TTC8: variants seen among roughly 807,000 people sequenced by gnomAD.
TTC8 encodes the protein tetratricopeptide repeat domain 8, also known as tetratricopeptide repeat protein 8.
Under a neutral mutation model 72.5 loss-of-function variants are expected in TTC8, and 47 were observed. The observed-to-expected ratio is 0.65, with a 90% confidence interval of 0.51 to 0.83. TTC8 has a LOEUF of 0.83. Ranked by LOEUF, TTC8 falls within the 40% of genes least tolerant of loss-of-function variation. The pLI is 0.00. For synonymous variants in TTC8, 199 were observed against 221.4 expected (o/e 0.90, Z 0.90); for missense variants, 611 against 623.2 (o/e 0.98, Z 0.21).
chr14:88,871,517 A>G lies in TTC8; in HGVS notation c.1050-32A>G, dbSNP rs1340126421. On this transcript the variant is annotated intron_variant, in intron 11 of 14. Transcript: ENST00000380656. The surrounding 1 kb of genome is among the most constrained non-coding windows in gnomAD (Gnocchi z 4.1). ...TCTTAAAACTTACAAAGTTGGTCTGACACCAAAATTTGTGTGTTCTTTTTT... is the reference window on the plus strand; with the variant it reads ...TCTTAAAACTTACAAAGTTGGTCTGGCACCAAAATTTGTGTGTTCTTTTTT... 6.2e-7 allele frequency: 1 copy of G among 1,610,570 alleles called. No homozygotes were observed. The highest frequency in any genetic ancestry group is 8.5e-7 in the Non-Finnish European group (1 of 1,178,608).
Position 88,852,853 on chromosome 14 carries a change from C to T in TTC8, c.625-118C>T, listed in dbSNP as rs143682491. On this transcript the variant is annotated intron_variant, in intron 7 of 14. Coordinates refer to ENST00000380656, the MANE Select transcript of TTC8 (RefSeq NM_144596.4). Reference sequence around the variant, plus strand: ...AAACATGAGCAACTTGAGTTTCTGTCGGATTTCTAATGCACATTTTGATTG... The same window carrying T: ...AAACATGAGCAACTTGAGTTTCTGTTGGATTTCTAATGCACATTTTGATTG... 2.4e-4 allele frequency: 217 copies of T among 893,346 alleles called. 2 individuals are homozygous for T. In the African/African-American group the frequency reaches 2.7e-3, roughly 11 times the overall value. The allele number at this position is 893,346 out of a possible 1,614,324, so 55.3% of individuals were successfully genotyped here. A position where few individuals can be genotyped will look rare whatever the true frequency, so the allele number is the denominator to read the frequency against.
At chr14:88,868,021 TGAGA>T (rs1179787449) in intron 10 of TTC8, among the ~76,000 whole-genome samples, 1 of 152,306 alleles carries the variant, frequency 6.6e-6, no homozygotes, top group Non-Finnish European at 1.5e-5. Context: ...GAGAACCAAC[TGAGA>T]GAGAGATACA....
chr14:88,827,409 C>A (rs1472872794), intron 1 of TTC8, among the ~76,000 whole-genome samples: 3 of 152,076 alleles, frequency 2.0e-5, no homozygotes, highest in Admixed American at 2.0e-4. Flanking sequence ...ATTTGATATT[C>A]TTTTCCTTTC....
chr14:88,858,749 GGATAATTTTTTTT>G (rs2094869258), intron 9 of TTC8, among the ~76,000 whole-genome samples: 1 of 143,048 alleles, frequency 7.0e-6, no homozygotes, highest in South Asian at 2.3e-4. Flanking sequence ...CACCATGCCT[GGATAATTTTTTTT>G]TTTTTTTTTT....
rs1318221868 is a variant in TTC8 at position 88,877,304 on chromosome 14, T to G, written c.1442T>G (p.Leu481Arg). Residue 481 changes from leucine (L) to arginine (R), a missense_variant, in exon 15 of 15, where the codon CTG becomes CGG. Physicochemically the swap from Leu to Arg is moderately radical, Grantham distance 102. Transcript: ENST00000380656. ...FATISDKIGD[L>R]QRSYVAAQKS... Reference sequence around the variant, plus strand: ...TTGTATTTTTTGCAGATTGGAGATCTGCAGAGAAGCTATGTTGCTGCGCAG... The same window carrying G: ...TTGTATTTTTTGCAGATTGGAGATCGGCAGAGAAGCTATGTTGCTGCGCAG... The G allele has an allele frequency of 6.2e-7, 1 of 1,613,528 alleles. No individual in the cohort carries two copies. Among genetic ancestry groups the G allele is most frequent in the East Asian group, 2.2e-5 (1 of 44,802 alleles).
At chr14:88,828,826 A>G (rs935722810) in intron 1 of TTC8, among the ~76,000 whole-genome samples, 9 of 152,134 alleles carry the variant, frequency 5.9e-5, no homozygotes, top group Non-Finnish European at 1.0e-4. Context: ...ATATGCATTT[A>G]TTTCGCCTTT....
downstream of TTC8, chr14:88,879,383 A>G (rs1192194232): frequency 1.3e-5 from 2 of 152,226 alleles, no homozygotes; most frequent in African/African-American, 4.8e-5. Flanking sequence ...TGCTCAATCC[A>G]TAAATACAAA....
intron 6 of TTC8, among the ~76,000 whole-genome samples, chr14:88,842,889 C>A (rs17124900): frequency 0.027 from 4,127 of 152,008 alleles, 137 homozygotes; most frequent in East Asian, 0.16. Flanking sequence ...GTAGTAGCAC[C>A]AATTGCACTC....
At chr14:88,839,612 T>C in intron 3 of TTC8, 40 bp downstream of exon 3, 1 of 1,608,148 alleles carries the variant, frequency 6.2e-7, no homozygotes, top group Non-Finnish European at 8.5e-7. Flanking sequence ...GAAATACCAT[T>C]AAGAGGAAGA....
Position 88,857,023 on chromosome 14 carries a change from A to G in TTC8, c.711-167A>G, listed in dbSNP as rs190802618. On this transcript the variant is annotated intron_variant, in intron 8 of 14. Coordinates refer to ENST00000380656, the MANE Select transcript of TTC8 (RefSeq NM_144596.4). ...AAGCCAGTGAATATGGGAGATAGGCAACTTATTGCTAAGCTGTATAAATAA... is the reference window on the plus strand; with the variant it reads ...AAGCCAGTGAATATGGGAGATAGGCGACTTATTGCTAAGCTGTATAAATAA... Among the ~76,000 whole-genome samples, 458 of 152,336 alleles carry G rather than the reference A, an allele frequency of 3.0e-3. 3 individuals carry two copies. Among genetic ancestry groups the G allele is most frequent in the Non-Finnish European group, 5.3e-3 (362 of 68,030 alleles).
chr14:88,829,650 G>A (rs2094717288), intron 1 of TTC8, among the ~76,000 whole-genome samples: 1 of 152,190 alleles, frequency 6.6e-6, no homozygotes, highest in African/African-American at 2.4e-5. Flanking sequence ...ATCAGAATGG[G>A]AGAAAGACTT....
chr14:88,844,636 C>T (rs2094797544), intron 7 of TTC8, among the ~76,000 whole-genome samples: 2 of 152,002 alleles, frequency 1.3e-5, no homozygotes, highest in African/African-American at 4.8e-5. Context: ...CCTTGACTTC[C>T]CAGGCTCAGG....
At chr14:88,826,722 C>G (rs1389498807) in intron 1 of TTC8, among the ~76,000 whole-genome samples, 1 of 152,090 alleles carries the variant, frequency 6.6e-6, no homozygotes, top group Non-Finnish European at 1.5e-5. Context: ...AAAAAAGAAC[C>G]TTTGATGTGC....
chr14:88,834,223 G>C, intron 2 of TTC8, among the ~76,000 whole-genome samples: 1 of 152,118 alleles, frequency 6.6e-6, no homozygotes, highest in Non-Finnish European at 1.5e-5. Flanking sequence ...CAGTCACATC[G>C]AGCAAATCAG....
At chr14:88,831,257 C>A (rs547777101) in intron 1 of TTC8, among the ~76,000 whole-genome samples, 2 of 152,302 alleles carry the variant, frequency 1.3e-5, no homozygotes, top group Admixed American at 1.3e-4. Context: ...ATGACAACAA[C>A]CTATAAGTTA....
chr14:88,843,948 G>C, intron 7 of TTC8, 98 bp downstream of exon 7: 1 of 896,564 alleles, frequency 1.1e-6, no homozygotes, highest in South Asian at 1.6e-5. Flanking sequence ...ATAAACAGAT[G>C]AAATTATTAA....
chr14:88,880,459 T>C (rs1185141105), downstream of TTC8: 1 of 152,124 alleles, frequency 6.6e-6, no homozygotes, highest in East Asian at 1.9e-4. Flanking sequence ...GTGATCCTTT[T>C]CTTTACCTGA....
At chr14:88,862,541 CATATAT>C (rs71130022) in intron 10 of TTC8, among the ~76,000 whole-genome samples, 444 of 23,716 alleles carry the variant, frequency 0.019, 5 homozygotes, top group Non-Finnish European at 0.026. Flanking sequence ...TCTCTCTCTC[CATATAT>C]ATATATATAT....
chr14:88,876,663 T>C (rs2094958698), intron 14 of TTC8, among the ~76,000 whole-genome samples: 1 of 152,154 alleles, frequency 6.6e-6, no homozygotes, highest in Non-Finnish European at 1.5e-5. Context: ...TCAGACAGTA[T>C]ATGTGTTTTT....
Sources: gnomAD v4.1 joint callset for allele counts (sites outside exome capture counted in the v4.1 genomes callset) on GRCh38, gnomAD v4.1.1 for gene constraint, Gnocchi (gnomAD v3.1) non-coding constraint, MANE v1.5 for transcripts, NCBI Gene and HGNC (gene_info 2026-07-23, HGNC 2026-07-21) for gene names.